The following USP40 variants were observed in gnomAD, a reference collection of about 807,000 sequenced individuals.
USP40 encodes ubiquitin carboxyl-terminal hydrolase 40.
A neutral mutation model predicts 166.2 loss-of-function variants in USP40; 143 were observed. The ratio of observed to expected loss-of-function variants is 0.86; its 90% CI spans 0.75 to 0.99. The LOEUF is 0.99. Among genes scored for constraint, USP40 ranks in the 50% least tolerant of loss-of-function variants. USP40 has a pLI of 0.00. For missense variants in USP40, 1,444 were observed against 1,479.7 expected, an observed-to-expected ratio of 0.98 and a Z score of 0.40; for synonymous variants, 498 against 524.0, an observed-to-expected ratio of 0.95 and a Z score of 0.68.
intron 31 of USP40, among the ~76,000 whole-genome samples, 198 bp from the exon 32 acceptor site, chr2:233,477,701 C>G (rs1220276997): frequency 2.0e-5 from 3 of 152,268 alleles, no homozygotes; most frequent in African/African-American, 7.2e-5. Context: ...CAGCTGCCTT[C>G]CCCTGCTTTG....
rs1453192476 is a variant in USP40 at position 233,525,458 on chromosome 2, T to A, written c.1810+20A>T. On this transcript the variant is annotated intron_variant, in intron 14 of 31. Transcript: ENST00000678225. Reference sequence around the variant, plus strand: ...TGTAGATATATAGAGTGAGTTGCTATGTTTTCATATTTATCTTACCGCCAA... The same window carrying A: ...TGTAGATATATAGAGTGAGTTGCTAAGTTTTCATATTTATCTTACCGCCAA... 1 of 1,597,276 alleles carries A rather than the reference T, an allele frequency of 6.3e-7. No individual in the cohort carries two copies.
At chr2:233,562,569 T>G (rs13018449) in intron 3 of USP40, among the ~76,000 whole-genome samples, 167 bp downstream of exon 3, 7 of 108,288 alleles carry the variant, frequency 6.5e-5, no homozygotes, top group Admixed American at 1.0e-4. Context: ...CTGTTGTGGG[T>G]TGGGGGGAGG....
At chr2:233,500,941 A>C (rs775988173) in intron 21 of USP40, among the ~76,000 whole-genome samples, 1 of 152,228 alleles carries the variant, frequency 6.6e-6, no homozygotes, top group Non-Finnish European at 1.5e-5. Flanking sequence ...TTCTAGAGAA[A>C]GGACTAGAAT....
rs1236204411 is a variant in USP40 at position 233,480,030 on chromosome 2, T to C, written c.3599+1173A>G. 1.3e-5 allele frequency among the ~76,000 whole-genome samples: 2 copies of C among 152,128 alleles called. No individual in the cohort carries two copies. The highest frequency in any genetic ancestry group is 2.9e-5 in the Non-Finnish European group (2 of 68,018). On this transcript the variant is annotated intron_variant, in intron 31 of 31. Coordinates refer to ENST00000678225, the MANE Select transcript of USP40 (RefSeq NM_001365479.2). The surrounding 1 kb of genome is among the most constrained non-coding windows in gnomAD (Gnocchi z 4.5). ...AATCCACTCACCACAAAGCAGCCAG[T>C]GATCATGTCAACGCGTCCCCCTTCA... is the stretch of plus-strand genomic sequence containing the variant.
intron 16 of USP40, among the ~76,000 whole-genome samples, chr2:233,522,615 A>G (rs1037420229): frequency 2.0e-5 from 3 of 152,244 alleles, no homozygotes; most frequent in African/African-American, 7.2e-5. Flanking sequence ...TGTCACAGAC[A>G]TAGATGACAA....
rs745534584 is a variant in USP40 at position 233,525,545 on chromosome 2, T to C, written c.1743A>G (p.Glu581=). The C allele has an allele frequency of 1.2e-6, 2 of 1,612,802 alleles. No homozygotes were observed. Among genetic ancestry groups the C allele is most frequent in the African/African-American group, 1.3e-5 (1 of 75,022 alleles). ...QSIFQLLEFW[E]GDMVLSVAKL... ...TTGCAACACTAAGAACCATGTCTCC[T>C]TCCCAAAATTCTAACAGCTGAAGAA... Residue 581 remains glutamate (E), a synonymous_variant, in exon 14 of 32, where the codon GAA becomes GAG. Transcript: ENST00000678225.
In USP40 at chr2:233,510,061, T is replaced by C; in HGVS notation, c.2601A>G (p.Ile867Met). 1 of 1,591,766 alleles carries C rather than the reference T, an allele frequency of 6.3e-7. No individual in the cohort carries two copies. The highest frequency in any genetic ancestry group is 2.3e-5 in the East Asian group (1 of 44,256). ...TAAAATTACTTACATCTCTCACAGA[T>C]ATTGTTTCTTCTACTACGATTTCCA... Reference protein sequence around the residue: ...TEMEIVVEETISVRDCLKLML... With the variant: ...TEMEIVVEETMSVRDCLKLML... Residue 867 changes from isoleucine to methionine, a missense_variant, in exon 21 of 32, where the codon ATA becomes ATG. By Grantham distance (10) the Ile-to-Met change is conservative (BLOSUM62 1). Transcript: ENST00000678225.
At chr2:233,548,802 A>G (rs1356822078) in intron 8 of USP40, among the ~76,000 whole-genome samples, 2 of 152,154 alleles carry the variant, frequency 1.3e-5, no homozygotes, top group African/African-American at 4.8e-5. Flanking sequence ...ACTAATAATG[A>G]TAACGTTAAT....
Position 233,480,296 on chromosome 2 carries a change from A to C in USP40, c.3599+907T>G, listed in dbSNP as rs1265279623. On this transcript the variant is annotated intron_variant, in intron 31 of 31. Coordinates refer to ENST00000678225, the MANE Select transcript of USP40 (RefSeq NM_001365479.2). The surrounding 1 kb of genome is among the most constrained non-coding windows in gnomAD (Gnocchi z 4.5). ...ATTTGGGCAGGGAAAGATGAAATCC[A>C]CCAGGGCAGAAGCAGTCAGAATAGG... is the stretch of plus-strand genomic sequence containing the variant. Among the ~76,000 whole-genome samples the C allele has an allele frequency of 6.6e-6, 1 of 152,202 alleles. No homozygotes were observed. The highest frequency in any genetic ancestry group is 1.5e-5 in the Non-Finnish European group (1 of 68,030).
In USP40 at chr2:233,486,454, G is replaced by A. The variant is rs2064955193; in HGVS notation, c.3198-477C>T. Among the ~76,000 whole-genome samples, 1 of 152,180 alleles carries A rather than the reference G, an allele frequency of 6.6e-6. No individual in the cohort carries two copies. The highest frequency in any genetic ancestry group is 1.5e-5 in the Non-Finnish European group (1 of 68,036). ...GGTTGGAATTGGGAAGAGAGACACA[G>A]GGCGGGTGAGACACAAGGCTGCAGC... is the stretch of plus-strand genomic sequence containing the variant. On this transcript the variant is annotated intron_variant, in intron 28 of 31. Coordinates refer to ENST00000678225, the MANE Select transcript of USP40 (RefSeq NM_001365479.2). This position sits in a 1 kb window ranked among gnomAD's most constrained non-coding sequence, Gnocchi z 4.0.
At chr2:233,566,401 T>TA (rs901782326) in intron 1 of USP40, among the ~76,000 whole-genome samples, 2 of 152,054 alleles carry the variant, frequency 1.3e-5, no homozygotes, top group East Asian at 3.9e-4. Context: ...AGAAGAAAAC[T>TA]AAAAAAACAC....
At chr2:233,545,455 T>C (rs530965165) in intron 8 of USP40, 15 of 152,402 alleles carry the variant, frequency 9.8e-5, no homozygotes, top group African/African-American at 3.6e-4. Flanking sequence ...TGGAGCCTTC[T>C]TTGCCCCACT....
At chr2:233,532,340 T>G (rs1440607575) in intron 11 of USP40, among the ~76,000 whole-genome samples, 1 of 152,198 alleles carries the variant, frequency 6.6e-6, no homozygotes, top group Non-Finnish European at 1.5e-5. Flanking sequence ...ACCAATCAGA[T>G]GTTTGCACAT....
intron 19 of USP40, 68 bp downstream of exon 19, chr2:233,512,501 A>C: frequency 2.9e-6 from 3 of 1,047,020 alleles, no homozygotes; most frequent in Non-Finnish European, 4.1e-6. Context: ...TAGGTATTGG[A>C]GGCCACTATT....
At chr2:233,527,794 T>C (rs1005729106) in intron 12 of USP40, among the ~76,000 whole-genome samples, 1 of 152,140 alleles carries the variant, frequency 6.6e-6, no homozygotes, top group Non-Finnish European at 1.5e-5. Flanking sequence ...TGTTTTAACA[T>C]AGGCTGCAAT....
At chr2:233,516,270 G>A (rs1016547144) in intron 18 of USP40, among the ~76,000 whole-genome samples, 2 of 152,084 alleles carry the variant, frequency 1.3e-5, no homozygotes, top group African/African-American at 4.8e-5. Context: ...AAGTGTTATG[G>A]CCACTTTAAA....
intron 11 of USP40, among the ~76,000 whole-genome samples, chr2:233,531,273 T>C (rs1243379581): frequency 6.6e-6 from 1 of 152,204 alleles, no homozygotes; most frequent in African/African-American, 2.4e-5. Context: ...TATAACTTTA[T>C]AAATATGTTT....
intron 7 of USP40, 52 bp downstream of exon 7, chr2:233,551,324 A>T: frequency 6.5e-7 from 1 of 1,543,242 alleles, no homozygotes; most frequent in Non-Finnish European, 8.7e-7. Flanking sequence ...TCAATAATAG[A>T]TTCAATCTTG....
chr2:233,489,243 G>GC (rs2065147566), intron 27 of USP40, 122 bp downstream of exon 27: 1 of 907,578 alleles, frequency 1.1e-6, no homozygotes, highest in Non-Finnish European at 1.8e-6. Context: ...CACAAGCGTG[G>GC]CATGACCAGG....
Sources: allele counts gnomAD v4.1 joint callset (sites outside exome capture counted in the v4.1 genomes callset), GRCh38; gene constraint gnomAD v4.1.1; non-coding constraint Gnocchi (gnomAD v3.1); transcripts MANE v1.5; gene names NCBI Gene and HGNC (gene_info 2026-07-23, HGNC 2026-07-21).